The following PRKG1 variants were observed in gnomAD, a reference collection of about 807,000 sequenced individuals.
PRKG1 encodes the protein protein kinase cGMP-dependent 1, also known as cGMP-dependent protein kinase 1.
PRKG1 carries 35 observed loss-of-function variants against 88.1 expected under a neutral mutation model. That is an observed-to-expected ratio of 0.40 (90% CI 0.30 to 0.53). The LOEUF (loss-of-function observed/expected upper bound fraction) is 0.53, where lower values mean the gene tolerates loss of function less well. Ranked by LOEUF, PRKG1 falls within the 20% of genes least tolerant of loss-of-function variation. The probability of loss-of-function intolerance (pLI) is 0.59; values close to 1 mark genes in which losing one functional copy is unlikely to be tolerated. For missense variants in PRKG1, 540 were observed against 839.8 expected, an observed-to-expected ratio of 0.64 and a Z score of 4.41; for synonymous variants, 303 against 292.5, an observed-to-expected ratio of 1.04 and a Z score of -0.37.
chr10:52,081,163 T>C (rs1846764146), intron 7 of PRKG1, among the ~76,000 whole-genome samples: 1 of 152,182 alleles, frequency 6.6e-6, no homozygotes, highest in African/African-American at 2.4e-5. Context: ...TGAAATTAAA[T>C]TTCTTGTAAA....
At chr10:51,890,882 G>A (rs1841702770) in intron 4 of PRKG1, among the ~76,000 whole-genome samples, 1 of 152,278 alleles carries the variant, frequency 6.6e-6, no homozygotes, top group Admixed American at 6.5e-5. Context: ...CTTGAACCTG[G>A]GAGGTGTAGG....
At chr10:51,016,692 T>TTTTTTTTTTTTTTTTTCC (rs1554830040) in intron 1 of PRKG1, among the ~76,000 whole-genome samples, 1 of 133,244 alleles carries the variant, frequency 7.5e-6, no homozygotes, top group African/African-American at 2.9e-5. Flanking sequence ...TTTTTTTTTT[T>TTTTTTTTTTTTTTTTTCC]GGAATCTTGC....
intron 5 of PRKG1, among the ~76,000 whole-genome samples, chr10:52,043,917 G>GAAAAA (rs5784899): frequency 7.5e-5 from 10 of 133,934 alleles, no homozygotes; most frequent in Non-Finnish European, 7.8e-5. Flanking sequence ...GTTAAACATA[G>GAAAAA]AAAAAAAAAA....
At chr10:51,280,612 A>G (rs966899177) in intron 2 of PRKG1, among the ~76,000 whole-genome samples, 1 of 152,092 alleles carries the variant, frequency 6.6e-6, no homozygotes, top group Non-Finnish European at 1.5e-5. Flanking sequence ...CATTTCATTC[A>G]TTTGATCTTC....
chr10:51,476,966 G>A (rs1279920894), intron 3 of PRKG1, among the ~76,000 whole-genome samples: 1 of 151,880 alleles, frequency 6.6e-6, no homozygotes, highest in Admixed American at 6.6e-5. Context: ...GCACTTTAGG[G>A]ATCGATACTA....
intron 7 of PRKG1, among the ~76,000 whole-genome samples, chr10:52,067,335 G>T (rs1475288046): frequency 6.6e-6 from 1 of 152,160 alleles, no homozygotes; most frequent in Admixed American, 6.5e-5. Flanking sequence ...AAGTTGTTCA[G>T]CAGGCAATTA....
intron 5 of PRKG1, among the ~76,000 whole-genome samples, chr10:51,945,889 T>C (rs1249515929): frequency 3.3e-5 from 5 of 151,422 alleles, no homozygotes; most frequent in Admixed American, 3.3e-4. Context: ...GCCCTTAACA[T>C]TTTTTCCTTC....
chr10:51,919,835 G>T (rs534082602), intron 5 of PRKG1, among the ~76,000 whole-genome samples: 1 of 151,952 alleles, frequency 6.6e-6, no homozygotes, highest in African/African-American at 2.4e-5. Context: ...CTAAGCACAG[G>T]GTATGTCTTA....
rs1181599994 is a variant in PRKG1 at position 52,297,342 on chromosome 10, G to A, written c.*3442G>A. 2 of 151,942 alleles carry A rather than the reference G, an allele frequency of 1.3e-5. No homozygotes were observed. Among genetic ancestry groups the A allele is most frequent in the Non-Finnish European group, 2.9e-5 (2 of 67,990 alleles). The allele number at this position is 151,942 out of a possible 1,614,324, so 9.4% of individuals were successfully genotyped here. ...AGTTTAGAACATGACCTGGCTATCT[G>A]GCATTGTTGCAAGTGCCTTAAATTC... On this transcript the variant is annotated 3_prime_UTR_variant, in exon 18 of 18. Transcript: ENST00000373980.
chr10:51,051,279 G>T (rs1449060958), intron 1 of PRKG1, among the ~76,000 whole-genome samples: 2 of 152,066 alleles, frequency 1.3e-5, no homozygotes, highest in South Asian at 2.1e-4. Flanking sequence ...TCTTCTAAGA[G>T]TTTTATCACT....
At chr10:52,214,084 C>G (rs895330443) in intron 9 of PRKG1, among the ~76,000 whole-genome samples, 3 of 152,022 alleles carry the variant, frequency 2.0e-5, no homozygotes, top group African/African-American at 7.2e-5. Context: ...AGATCCCATC[C>G]AATATGTCAG....
chr10:52,073,656 G>A (rs1279548062), intron 7 of PRKG1, among the ~76,000 whole-genome samples: 1 of 152,130 alleles, frequency 6.6e-6, no homozygotes, highest in African/African-American at 2.4e-5. Context: ...GTCCAGCACA[G>A]CACAGGACCC....
chr10:51,451,118 A>C (rs926540892), intron 2 of PRKG1, among the ~76,000 whole-genome samples: 1 of 151,950 alleles, frequency 6.6e-6, no homozygotes, highest in Non-Finnish European at 1.5e-5. Context: ...AATAACTAAA[A>C]TAATATAAAA....
intron 9 of PRKG1, among the ~76,000 whole-genome samples, chr10:52,244,074 A>G (rs1840937372): frequency 6.6e-6 from 1 of 152,098 alleles, no homozygotes; most frequent in Non-Finnish European, 1.5e-5. Flanking sequence ...AATTACTTTT[A>G]CACTTTCTAT....
chr10:52,220,817 T>G (rs12777614), intron 9 of PRKG1, among the ~76,000 whole-genome samples: 30,975 of 152,092 alleles, frequency 0.2, 3,690 homozygotes, highest in East Asian at 0.37. Context: ...CAGTATACCG[T>G]TGATGGGCAT....
intron 1 of PRKG1, among the ~76,000 whole-genome samples, chr10:51,122,683 C>T (rs1845289850): frequency 6.6e-6 from 1 of 152,176 alleles, no homozygotes; most frequent in African/African-American, 2.4e-5. Flanking sequence ...CATCCAGCAA[C>T]TGATCTGATG....
chr10:51,214,213 CAT>C (rs1266241807), intron 2 of PRKG1, among the ~76,000 whole-genome samples: 1 of 152,122 alleles, frequency 6.6e-6, no homozygotes, highest in Non-Finnish European at 1.5e-5. Context: ...TGTACATACA[CAT>C]GTATGATTCC....
chr10:51,055,404 A>G (rs192730441), intron 1 of PRKG1, among the ~76,000 whole-genome samples: 1 of 152,284 alleles, frequency 6.6e-6, no homozygotes, highest in African/African-American at 2.4e-5. Context: ...TAGATTCTTT[A>G]GATTATTTTA....
intron 1 of PRKG1, among the ~76,000 whole-genome samples, chr10:50,993,554 C>T (rs1253143738): frequency 1.3e-5 from 2 of 152,240 alleles, no homozygotes; most frequent in Non-Finnish European, 2.9e-5. Flanking sequence ...ATCTGCCCAC[C>T]TCCTTAAGAA....
Sources: allele counts gnomAD v4.1 joint callset (sites outside exome capture counted in the v4.1 genomes callset), GRCh38; gene constraint gnomAD v4.1.1; transcripts MANE v1.5; gene names NCBI Gene and HGNC (gene_info 2026-07-23, HGNC 2026-07-21).